Variants in BANK1 observed in about 807,000 individuals in gnomAD.
BANK1 encodes the protein B cell scaffold protein with ankyrin repeats 1.
Under a neutral mutation model 94.5 loss-of-function variants are expected in BANK1, and 95 were observed. That is an observed-to-expected ratio of 1.00 (90% confidence interval 0.85 to 1.19). BANK1 has a LOEUF of 1.19. BANK1 is among the 50% of genes most tolerant of loss of function. The pLI, the probability that BANK1 is intolerant of heterozygous loss-of-function variation, is 0.00. For missense variants in BANK1, 987 were observed against 932.2 expected (o/e 1.06, Z -0.77); for synonymous variants, 334 against 308.4 (o/e 1.08, Z -0.87).
At chr4:101,818,137 T>C (rs1725992145) in intron 1 of BANK1, among the ~76,000 whole-genome samples, 1 of 152,188 alleles carries the variant, frequency 6.6e-6, no homozygotes, top group Non-Finnish European at 1.5e-5. Flanking sequence ...GTATGGCATA[T>C]AGATATGGTC....
In BANK1 at chr4:101,918,196, T is replaced by C; in HGVS notation, c.1206+7T>C. ...AATCTTCGAAGACTTTTCAGTAAGTTTTTTTTTTAAATTATATCTCTGTAT... is the reference window on the plus strand; with the variant it reads ...AATCTTCGAAGACTTTTCAGTAAGTCTTTTTTTTAAATTATATCTCTGTAT... On this transcript the variant is annotated splice_region_variant and intron_variant, in intron 7 of 16. Coordinates refer to ENST00000322953, the MANE Select transcript of BANK1 (RefSeq NM_017935.5). 6.5e-7 allele frequency: 1 copy of C among 1,543,186 alleles called. No individual in the cohort carries two copies. Among genetic ancestry groups the C allele is most frequent in the Non-Finnish European group, 8.8e-7 (1 of 1,138,934 alleles).
intron 7 of BANK1, among the ~76,000 whole-genome samples, chr4:102,002,023 G>A (rs548984477): frequency 3.9e-5 from 6 of 152,274 alleles, no homozygotes; most frequent in Admixed American, 6.5e-5. Flanking sequence ...ACTGCATTGC[G>A]GCAGCCTGTC....
At position 101,830,150 on chromosome 4, in the gene BANK1, C is replaced by T. The variant is rs765404262; in HGVS notation, c.413C>T (p.Ser138Leu). Residue 138 changes from serine (S) to leucine (L), a missense_variant, in exon 2 of 17, where the codon TCA (serine) becomes TTA (leucine). Physicochemically the swap from Ser to Leu is moderately radical, Grantham distance 145 (BLOSUM62 -2). Transcript: ENST00000322953. ...ATCTCTCAAAGCAGATGGGAGATCT[C>T]AACTGAACAGGAACCTGAAGACTAC... ...LNISQSRWEISTEQEPEDYIS... is the reference protein window; with the variant it reads ...LNISQSRWEILTEQEPEDYIS... 4 of 1,604,742 alleles carry T rather than the reference C, an allele frequency of 2.5e-6. No homozygotes were observed. In the South Asian group the frequency reaches 4.5e-5, roughly 18 times the overall value.
rs190056499 is a variant in BANK1 at position 101,932,366 on chromosome 4, C to T, written c.1206+14177C>T. ...ATGCCTATATATGTTTGTGTATGTA[C>T]ATAAAATTTCTGTTTCACTAACTAT... On this transcript the variant is annotated intron_variant, in intron 7 of 16. Transcript: ENST00000322953. Among the ~76,000 whole-genome samples, 188 of 151,620 alleles carry T rather than the reference C, an allele frequency of 1.2e-3. 1 individual carries two copies. The highest frequency in any genetic ancestry group is 2.0e-3 in the Non-Finnish European group (135 of 67,654).
At chr4:102,058,782 G>A (rs748362474) in intron 11 of BANK1, among the ~76,000 whole-genome samples, 50 of 149,646 alleles carry the variant, frequency 3.3e-4, no homozygotes, top group Non-Finnish European at 6.8e-4. Context: ...CCTCTCTGTT[G>A]AATGGAAATG....
chr4:101,965,388 T>C (rs1446309457), intron 7 of BANK1, among the ~76,000 whole-genome samples: 3 of 151,320 alleles, frequency 2.0e-5, no homozygotes, highest in African/African-American at 7.3e-5. Context: ...CTACTAGGCC[T>C]GGACTCAAGC....
chr4:102,030,428 A>G (rs1427367176), intron 10 of BANK1, among the ~76,000 whole-genome samples, 163 bp downstream of exon 10: 1 of 151,794 alleles, frequency 6.6e-6, no homozygotes, highest in Non-Finnish European at 1.5e-5. Flanking sequence ...TTTTTCCACT[A>G]AGAGTATTTT....
chr4:101,966,106 T>A (rs941888307), intron 7 of BANK1, among the ~76,000 whole-genome samples: 1 of 152,102 alleles, frequency 6.6e-6, no homozygotes, highest in African/African-American at 2.4e-5. Context: ...CTTATTGATT[T>A]TTAAAAAACA....
intron 9 of BANK1, among the ~76,000 whole-genome samples, chr4:102,028,085 A>G (rs1163997654): frequency 6.6e-6 from 1 of 152,218 alleles, no homozygotes; most frequent in Non-Finnish European, 1.5e-5. Flanking sequence ...TTGGAAAATA[A>G]AAAGTAAAAT....
chr4:101,837,246 C>T (rs2080820), intron 2 of BANK1, among the ~76,000 whole-genome samples: 10 of 151,782 alleles, frequency 6.6e-5, no homozygotes, highest in Admixed American at 5.9e-4. Flanking sequence ...GGACTAAGAC[C>T]GGTACAACTG....
chr4:102,024,548 G>C (rs1016021136), intron 8 of BANK1, among the ~76,000 whole-genome samples: 14 of 152,024 alleles, frequency 9.2e-5, no homozygotes, highest in African/African-American at 2.7e-4. Flanking sequence ...GGATCATTTG[G>C]TTAAATTTCT....
chr4:102,034,930 C>T (rs1277188172), intron 10 of BANK1, among the ~76,000 whole-genome samples: 1 of 152,180 alleles, frequency 6.6e-6, no homozygotes, highest in African/African-American at 2.4e-5. Context: ...TTTCTTCCTT[C>T]TAACCTATAA....
chr4:101,931,202 A>G (rs763111843), intron 7 of BANK1, among the ~76,000 whole-genome samples: 5 of 151,552 alleles, frequency 3.3e-5, no homozygotes, highest in Non-Finnish European at 7.4e-5. Flanking sequence ...CAGGATGCCC[A>G]AATATTTGGT....
intron 7 of BANK1, among the ~76,000 whole-genome samples, chr4:101,944,064 G>GAC (rs1176066554): frequency 1.3e-5 from 2 of 151,060 alleles, no homozygotes; most frequent in African/African-American, 4.9e-5. Flanking sequence ...GAGAGAGAGA[G>GAC]ACAGACAGAC....
At chr4:102,052,136 T>G (rs1321787391) in intron 11 of BANK1, among the ~76,000 whole-genome samples, 1 of 120,888 alleles carries the variant, frequency 8.3e-6, no homozygotes, top group Non-Finnish European at 1.7e-5. Flanking sequence ...TTTTTTTTTT[T>G]GAGACAGAGT....
intron 13 of BANK1, among the ~76,000 whole-genome samples, chr4:102,063,979 C>T (rs903946174): frequency 4.6e-5 from 7 of 152,066 alleles, no homozygotes; most frequent in African/African-American, 1.7e-4. Flanking sequence ...GGAGGGGATA[C>T]TAAGCCAATC....
At chr4:101,809,000 T>TA in intron 1 of BANK1, among the ~76,000 whole-genome samples, 6 of 152,184 alleles carry the variant, frequency 3.9e-5, no homozygotes, top group Non-Finnish European at 7.4e-5. Context: ...CTACTGGGTA[T>TA]CTACCCAAAG....
chr4:101,902,355 T>C (rs1213119454), intron 6 of BANK1, among the ~76,000 whole-genome samples: 1 of 152,218 alleles, frequency 6.6e-6, no homozygotes, highest in African/African-American at 2.4e-5. Flanking sequence ...ATTCTAACAA[T>C]ACTGTTTTTC....
chr4:102,012,864 T>G (rs1369053414), intron 7 of BANK1, among the ~76,000 whole-genome samples: 1 of 152,136 alleles, frequency 6.6e-6, no homozygotes, highest in Non-Finnish European at 1.5e-5. Flanking sequence ...GTTTTATAAA[T>G]GTAAACCTGG....
Sources: allele counts gnomAD v4.1 joint callset (sites outside exome capture counted in the v4.1 genomes callset), GRCh38; gene constraint gnomAD v4.1.1; transcripts MANE v1.5; gene names NCBI Gene and HGNC (gene_info 2026-07-23, HGNC 2026-07-21).